The following ATP8A2 variants were observed in gnomAD, a reference collection of about 807,000 sequenced individuals.
The protein encoded by ATP8A2 is ATPase phospholipid transporting 8A2, also known as phospholipid-transporting ATPase IB.
A neutral mutation model predicts 165.6 loss-of-function variants in ATP8A2; 100 were observed. The ratio of observed to expected loss-of-function variants is 0.60; its 90% confidence interval spans 0.51 to 0.71. The LOEUF is 0.71. Ranked by LOEUF, ATP8A2 falls within the 30% of genes least tolerant of loss-of-function variation. ATP8A2 has a pLI of 0.00. For synonymous variants in ATP8A2, 543 were observed against 548.8 expected, an observed-to-expected ratio of 0.99 and a Z score of 0.15; for missense variants, 1,227 against 1,479.5, an observed-to-expected ratio of 0.83 and a Z score of 2.80.
chr13:25,720,955 C>T (rs1027265457), intron 25 of ATP8A2, among the ~76,000 whole-genome samples: 4 of 144,728 alleles, frequency 2.8e-5, no homozygotes, highest in African/African-American at 1.1e-4. Flanking sequence ...GCTGTGGGAG[C>T]TTTAGCTTTT....
chr13:25,915,783 C>A (rs1397733871), intron 33 of ATP8A2, among the ~76,000 whole-genome samples: 1 of 152,242 alleles, frequency 6.6e-6, no homozygotes, highest in East Asian at 1.9e-4. Flanking sequence ...AGAACCTCAT[C>A]TTACTTGCTT....
chr13:25,403,005 C>A (rs942471687), intron 1 of ATP8A2, among the ~76,000 whole-genome samples: 1 of 152,158 alleles, frequency 6.6e-6, no homozygotes, highest in Non-Finnish European at 1.5e-5. Flanking sequence ...GACTCATTCC[C>A]TGAATCCCTT....
intron 2 of ATP8A2, among the ~76,000 whole-genome samples, chr13:25,526,558 C>G (rs1275071180): frequency 6.6e-6 from 1 of 152,124 alleles, no homozygotes; most frequent in Non-Finnish European, 1.5e-5. Context: ...TTTGTCTCCA[C>G]TCTAATAAAC....
intron 27 of ATP8A2, among the ~76,000 whole-genome samples, chr13:25,821,319 T>C: frequency 6.6e-6 from 1 of 152,208 alleles, no homozygotes; most frequent in African/African-American, 2.4e-5. Flanking sequence ...TGGAAGGAGA[T>C]GCTAGATTTC....
chr13:25,845,690 C>T (rs1951845208), intron 30 of ATP8A2, among the ~76,000 whole-genome samples: 1 of 152,076 alleles, frequency 6.6e-6, no homozygotes, highest in South Asian at 2.1e-4. Flanking sequence ...CTCTCTTTTC[C>T]CCTGGCATTC....
At chr13:25,686,714 G>T (rs539403253) in intron 24 of ATP8A2, among the ~76,000 whole-genome samples, 3 of 151,948 alleles carry the variant, frequency 2.0e-5, no homozygotes, top group African/African-American at 7.3e-5. Flanking sequence ...ACTCAAATTC[G>T]CCATCAGGAC....
intron 17 of ATP8A2, 123 bp from the exon 18 acceptor site, chr13:25,571,487 A>G (rs1490947552): frequency 4.4e-6 from 3 of 678,668 alleles, no homozygotes; most frequent in African/African-American, 1.8e-5. Flanking sequence ...AGTCTTTACT[A>G]TTATGCAGAT....
intron 33 of ATP8A2, among the ~76,000 whole-genome samples, chr13:25,898,490 G>A (rs985098308): frequency 6.6e-6 from 1 of 152,248 alleles, no homozygotes; most frequent in African/African-American, 2.4e-5. Flanking sequence ...CACTTGAGGA[G>A]GCGGTCTGCC....
intron 15 of ATP8A2, 119 bp from the exon 16 acceptor site, chr13:25,563,837 A>T: frequency 1.6e-6 from 1 of 629,594 alleles, no homozygotes; most frequent in South Asian, 2.1e-5. Context: ...TTAAAAGTTT[A>T]ATGTGAATCC....
Position 25,576,951 on chromosome 13 carries a change from A to G in ATP8A2, c.1713-118A>G, listed in dbSNP as rs564751492. On this transcript the variant is annotated intron_variant, in intron 19 of 36. Transcript: ENST00000381655. ...ACTTTGAAGAAAAAGGCAGGGAAAG[A>G]TAGACCTTGTTCATTTTTAGGAACC... The G allele has an allele frequency of 5.6e-4, 416 of 745,294 alleles. 3 individuals are homozygous for G. In the African/African-American group the frequency reaches 6.2e-3, roughly 11 times the overall value. The allele number at this position is 745,294 out of a possible 1,614,324, so 46.2% of individuals were successfully genotyped here.
At chr13:25,442,138 G>A (rs1039114919) in intron 1 of ATP8A2, among the ~76,000 whole-genome samples, 3 of 152,110 alleles carry the variant, frequency 2.0e-5, no homozygotes, top group South Asian at 2.1e-4. Context: ...ATTTATCCAC[G>A]GATAAGCAAA....
intron 9 of ATP8A2, among the ~76,000 whole-genome samples, chr13:25,542,310 T>G: frequency 6.6e-6 from 1 of 152,030 alleles, no homozygotes; most frequent in Admixed American, 6.6e-5. Flanking sequence ...CATAAAATTG[T>G]CCAGAAAAGC....
At chr13:25,810,864 T>C (rs1183116635) in intron 27 of ATP8A2, among the ~76,000 whole-genome samples, 1 of 152,180 alleles carries the variant, frequency 6.6e-6, no homozygotes, top group Non-Finnish European at 1.5e-5. Context: ...GGTGTGATTA[T>C]GTCTATCCCA....
intron 33 of ATP8A2, among the ~76,000 whole-genome samples, chr13:25,910,631 T>G (rs1240990684): frequency 6.6e-6 from 1 of 152,192 alleles, no homozygotes; most frequent in East Asian, 1.9e-4. Flanking sequence ...TCTCCTATAT[T>G]TAATTTGTGC....
At chr13:25,390,900 G>A (rs1171069311) in intron 1 of ATP8A2, among the ~76,000 whole-genome samples, 1 of 151,166 alleles carries the variant, frequency 6.6e-6, no homozygotes, top group Non-Finnish European at 1.5e-5. Flanking sequence ...ACTCCAGCCT[G>A]GGCAACAGAG....
intron 25 of ATP8A2, among the ~76,000 whole-genome samples, chr13:25,719,631 A>G (rs2043331525): frequency 1.3e-5 from 2 of 152,244 alleles, no homozygotes; most frequent in Non-Finnish European, 2.9e-5. Context: ...TTTAACATCC[A>G]TTCCAATCTC....
intron 24 of ATP8A2, among the ~76,000 whole-genome samples, chr13:25,593,887 G>A (rs1368689413): frequency 6.6e-6 from 1 of 152,196 alleles, no homozygotes; most frequent in Non-Finnish European, 1.5e-5. Flanking sequence ...AGTGAATTGA[G>A]GATAACAACA....
intron 27 of ATP8A2, among the ~76,000 whole-genome samples, chr13:25,783,344 T>G (rs1300690261): frequency 6.6e-6 from 1 of 152,214 alleles, no homozygotes; most frequent in Non-Finnish European, 1.5e-5. Context: ...TAGAGAAGTT[T>G]CCCATTGGAC....
At chr13:25,800,227 C>A (rs182995717) in intron 27 of ATP8A2, among the ~76,000 whole-genome samples, 17 of 152,340 alleles carry the variant, frequency 1.1e-4, no homozygotes, top group South Asian at 8.3e-4. Flanking sequence ...AGAACACTAA[C>A]TGCATATGCT....
Sources: allele counts gnomAD v4.1 joint callset (sites outside exome capture counted in the v4.1 genomes callset), GRCh38; gene constraint gnomAD v4.1.1; transcripts MANE v1.5; gene names NCBI Gene and HGNC (gene_info 2026-07-23, HGNC 2026-07-21).